PLA2G6: variants seen among roughly 807,000 people sequenced by gnomAD.
PLA2G6 encodes phospholipase A2 group VI.
Under a neutral mutation model 83.8 loss-of-function variants are expected in PLA2G6, and 62 were observed. The ratio of observed to expected loss-of-function variants is 0.74; its 90% CI spans 0.60 to 0.91. The LOEUF (loss-of-function observed/expected upper bound fraction) is 0.91, where lower values mean the gene tolerates loss of function less well. Ranked by LOEUF, PLA2G6 falls within the 40% of genes least tolerant of loss-of-function variation. The pLI, the probability that PLA2G6 is intolerant of heterozygous loss-of-function variation, is 0.00. For missense variants in PLA2G6, 944 were observed against 1,102.0 expected, an observed-to-expected ratio of 0.86 and a Z score of 2.03; for synonymous variants, 417 against 449.8, an observed-to-expected ratio of 0.93 and a Z score of 0.92.
At chr22:38,149,469 T>G (rs1180342558) in intron 2 of PLA2G6, 1 of 151,964 alleles carries the variant, frequency 6.6e-6, no homozygotes, top group Non-Finnish European at 1.5e-5. Context: ...GTAAACAGAA[T>G]AAAGCATGGA....
Position 38,120,863 on chromosome 22 carries a change from A to G in PLA2G6, c.1638T>C (p.Asp546=), listed in dbSNP as rs952349435. The G allele has an allele frequency of 1.2e-6, 2 of 1,613,530 alleles. No homozygotes were observed. The highest frequency in any genetic ancestry group is 2.2e-5 in the East Asian group (1 of 44,892). ...YMRGMYFRMK[D]EVFRGSRPYE... Reference sequence around the variant, plus strand: ...AGGGCCTGGAGCCCCGGAACACCTCATCCTTCATGCGAAAGTACATGCCGC... The same window carrying G: ...AGGGCCTGGAGCCCCGGAACACCTCGTCCTTCATGCGAAAGTACATGCCGC... Residue 546 remains aspartate, a synonymous_variant, in exon 12 of 17, where the codon GAT becomes GAC. Coordinates refer to ENST00000332509, the MANE Select transcript of PLA2G6 (RefSeq NM_003560.4).
In PLA2G6 at chr22:38,123,257, G is replaced by A; in HGVS notation, c.1429C>T (p.His477Tyr). ...LGSMRDEKRT[H>Y]DHLLCLDGGG... ...CCATCCAGGCACAGCAGGTGGTCGTGGCTGCAGTGGGAACAGCAGTGGGAG... is the reference window on the plus strand; with the variant it reads ...CCATCCAGGCACAGCAGGTGGTCGTAGCTGCAGTGGGAACAGCAGTGGGAG... The change falls in exon 11 of 17, where the codon CAC becomes TAC. Residue 477 changes from histidine to tyrosine, a missense_variant and splice_region_variant. By Grantham distance (83) the His-to-Tyr change is moderately conservative. Transcript: ENST00000332509. This position sits in a 1 kb window ranked among gnomAD's most constrained non-coding sequence, Gnocchi z 4.1. 2 of 1,558,302 alleles carry A rather than the reference G, an allele frequency of 1.3e-6. No homozygotes were observed. Among genetic ancestry groups the A allele is most frequent in the Non-Finnish European group, 1.7e-6 (2 of 1,150,718 alleles).
chr22:38,148,151 G>A (rs775766007), intron 2 of PLA2G6: 10 of 281,896 alleles, frequency 3.5e-5, no homozygotes, highest in Non-Finnish European at 5.5e-5. Flanking sequence ...GCACGACCTT[G>A]ACAACATTAC....
At chr22:38,133,169 A>AG (rs886990697) in intron 6 of PLA2G6, 156 bp from the exon 7 acceptor site, 7 of 712,586 alleles carry the variant, frequency 9.8e-6, no homozygotes, top group South Asian at 1.7e-5. Flanking sequence ...CCCCAGTTCT[A>AG]GGGGGGCCTA....
chr22:38,148,251 TGAG>T (rs2145843408), intron 2 of PLA2G6: 3 of 443,184 alleles, frequency 6.8e-6, no homozygotes, highest in East Asian at 4.8e-5. Context: ...TAGATATTTT[TGAG>T]GAGTTTTGCT....
chr22:38,115,453 C>G (rs910909763), intron 14 of PLA2G6, 74 bp downstream of exon 14: 5 of 1,435,522 alleles, frequency 3.5e-6, no homozygotes, highest in Non-Finnish European at 4.9e-6. Flanking sequence ...GGGGTCGGTC[C>G]CTAGCATGGT....
At chr22:38,142,929 G>A (rs2089005986) in intron 4 of PLA2G6, 176 bp downstream of exon 4, 1 of 741,250 alleles carries the variant, frequency 1.3e-6, no homozygotes, top group Non-Finnish European at 2.5e-6. Context: ...CCTGGAAAAG[G>A]GCTGGGAGGG....
At chr22:38,124,658 C>A (rs2087727795) in intron 10 of PLA2G6, among the ~76,000 whole-genome samples, 1 of 152,150 alleles carries the variant, frequency 6.6e-6, no homozygotes, top group Non-Finnish European at 1.5e-5. Context: ...CTTTCTTTTA[C>A]TCTCTCCTGC....
At chr22:38,129,713 G>A (rs1247562093) in intron 7 of PLA2G6, 151 bp from the exon 8 acceptor site, 1 of 706,864 alleles carries the variant, frequency 1.4e-6, no homozygotes, top group African/African-American at 1.8e-5. Flanking sequence ...CCCCACCCAA[G>A]TCAATCTGGT....
intron 16 of PLA2G6, 40 bp downstream of exon 16, chr22:38,112,464 C>A: frequency 6.5e-7 from 1 of 1,533,050 alleles, no homozygotes; most frequent in Non-Finnish European, 8.8e-7. Flanking sequence ...CCGACCACGC[C>A]AGGGCACGGG....
chr22:38,128,555 T>C lies in PLA2G6; in HGVS notation c.1187-125A>G. ...GCTCCCAGGCCCTGGGCACGTGGGCTGCTCCAGAGGCCTCAGCCCACCCTG... is the reference window on the plus strand; with the variant it reads ...GCTCCCAGGCCCTGGGCACGTGGGCCGCTCCAGAGGCCTCAGCCCACCCTG... On this transcript the variant is annotated intron_variant, in intron 8 of 16. Transcript: ENST00000332509. This position sits in a 1 kb window ranked among gnomAD's most constrained non-coding sequence, Gnocchi z 4.4. 1 of 1,043,308 alleles carries C rather than the reference T, an allele frequency of 9.6e-7. No individual in the cohort carries two copies. Among genetic ancestry groups the C allele is most frequent in the Non-Finnish European group, 1.4e-6 (1 of 704,286 alleles). 64.6% of individuals were successfully genotyped at this position (1,043,308 alleles called of 1,614,324 possible). A position where few individuals can be genotyped will look rare whatever the true frequency, so the allele number is the denominator to read the frequency against.
intron 2 of PLA2G6, among the ~76,000 whole-genome samples, chr22:38,152,059 T>G (rs1344768872): frequency 6.6e-6 from 1 of 152,160 alleles, no homozygotes; most frequent in Non-Finnish European, 1.5e-5. Flanking sequence ...AAACCTCATG[T>G]TAAATTTTGA....
chr22:38,118,680 G>A lies in PLA2G6; in HGVS notation c.1742+2079C>T, dbSNP rs144817734. Among the ~76,000 whole-genome samples, 100 of 151,324 alleles carry A rather than the reference G, an allele frequency of 6.6e-4. No individual in the cohort carries two copies. In the East Asian group the frequency reaches 0.014, roughly 22 times the overall value. On this transcript the variant is annotated intron_variant, in intron 12 of 16. Transcript: ENST00000332509. ...TTTTGTTTTATTTATTTATTTGGAT[G>A]GACCCATGTTCTTAATGGAGTAGAA...
rs1306318085 is a variant in PLA2G6 at position 38,112,588 on chromosome 22, G to A, written c.2203-11C>T. ...GTCTGGATCCGTGCACTGGTGAGAA[G>A]CAGCCTTGGTGAGTGCCGGGCCCAC... On this transcript the variant is annotated splice_polypyrimidine_tract_variant and intron_variant, in intron 15 of 16. Coordinates refer to ENST00000332509, the MANE Select transcript of PLA2G6 (RefSeq NM_003560.4). 6.5e-6 allele frequency: 10 copies of A among 1,548,664 alleles called. No individual in the cohort carries two copies. The Admixed American group carries it at 1.6e-4, about 24-fold the overall frequency.
At chr22:38,145,407 G>A (rs750494733) in intron 3 of PLA2G6, 31 bp downstream of exon 3, 242 of 1,549,206 alleles carry the variant, frequency 1.6e-4, no homozygotes, top group Non-Finnish European at 2.0e-4. Context: ...GTACACACAC[G>A]TTGTCCAAAT....
intron 5 of PLA2G6, chr22:38,139,304 C>G (rs1341777341): frequency 6.6e-6 from 1 of 152,046 alleles, no homozygotes; most frequent in East Asian, 1.9e-4. Flanking sequence ...TGGAGCACCA[C>G]CTGGAGGGGA....
At chr22:38,149,459 G>C (rs2089449813) in intron 2 of PLA2G6, 1 of 152,118 alleles carries the variant, frequency 6.6e-6, no homozygotes, top group Admixed American at 6.6e-5. Flanking sequence ...TCAGGAAAGA[G>C]TAAACAGAAT....
chr22:38,162,284 T>C (rs192698515), intron 2 of PLA2G6, among the ~76,000 whole-genome samples: 4 of 146,030 alleles, frequency 2.7e-5, no homozygotes, highest in Middle Eastern at 3.7e-3. Context: ...CTAGCCATGG[T>C]GGAGAACTGA....
At position 38,128,256 on chromosome 22, in the gene PLA2G6, A is replaced by C. The variant is rs55983437; in HGVS notation, c.1348+13T>G. On this transcript the variant is annotated intron_variant, in intron 9 of 16. Coordinates refer to ENST00000332509, the MANE Select transcript of PLA2G6 (RefSeq NM_003560.4). This position sits in a 1 kb window ranked among gnomAD's most constrained non-coding sequence, Gnocchi z 4.4. ...ACCAGCTGGAGAAGAGGGAGTCGGG[A>C]GGCGAGGCCTACCTAGGTTGTTTAG... 6.2e-7 allele frequency: 1 copy of C among 1,611,812 alleles called. No homozygotes were observed. Among genetic ancestry groups the C allele is most frequent in the Non-Finnish European group, 8.5e-7 (1 of 1,179,650 alleles).
Sources: allele counts gnomAD v4.1 joint callset (sites outside exome capture counted in the v4.1 genomes callset), GRCh38; gene constraint gnomAD v4.1.1; non-coding constraint Gnocchi (gnomAD v3.1); transcripts MANE v1.5; gene names NCBI Gene and HGNC (gene_info 2026-07-23, HGNC 2026-07-21).